The following C5 variants were observed in gnomAD, a reference collection of about 807,000 sequenced individuals.
The protein encoded by C5 is complement C5, also known as C3 and PZP-like alpha-2-macroglobulin domain-containing protein 4.
Under a neutral mutation model 218.8 loss-of-function variants are expected in C5, and 140 were observed. The ratio of observed to expected loss-of-function variants is 0.64; its 90% CI spans 0.56 to 0.74. C5 has a LOEUF of 0.74. Ranked by LOEUF, C5 falls within the 30% of genes least tolerant of loss-of-function variation. The probability of loss-of-function intolerance (pLI) is 0.00; values close to 1 mark genes in which losing one functional copy is unlikely to be tolerated. For synonymous variants in C5, 614 were observed against 682.3 expected (o/e 0.90, Z 1.56); for missense variants, 1,700 against 1,969.6 (o/e 0.86, Z 2.59).
At chr9:121,054,881 G>A (rs773138873), upstream of C5, among the ~76,000 whole-genome samples, 9 of 151,668 alleles carry the variant, frequency 5.9e-5, no homozygotes, top group Non-Finnish European at 1.0e-4. Flanking sequence ...CATCTCAAAG[G>A]TCTGCAAAGA....
chr9:120,993,473 A>G (rs1163041443), intron 22 of C5, among the ~76,000 whole-genome samples: 1 of 152,210 alleles, frequency 6.6e-6, no homozygotes, highest in African/African-American at 2.4e-5. Context: ...CCCAGGCTGG[A>G]GTGCAGTGGC....
At chr9:121,050,379 C>A, upstream of C5, 1 of 783,812 alleles carries the variant, frequency 1.3e-6, no homozygotes, top group Non-Finnish European at 2.2e-6. Context: ...AGTGGGAAAA[C>A]TAGAATTGGA....
Position 121,014,125 on chromosome 9 carries a change from G to T in C5, c.2060-55C>A, listed in dbSNP as rs571947421. 1.1e-5 allele frequency: 17 copies of T among 1,481,300 alleles called. No individual in the cohort carries two copies. The South Asian group carries it at 1.7e-4, about 15-fold the overall frequency. The allele number at this position is 1,481,300 out of a possible 1,614,324, so 91.8% of individuals were successfully genotyped here. A position where few individuals can be genotyped will look rare whatever the true frequency, so the allele number is the denominator to read the frequency against. On this transcript the variant is annotated intron_variant, in intron 16 of 40. Transcript: ENST00000223642. ...ATGACGCAGAGTGATAACATCTCAG[G>T]CTTAGAAGGAATCTCAAGGGATACC...
At chr9:121,064,881 A>G in the C5 span, among the ~76,000 whole-genome samples, 3 of 152,160 alleles carry the variant, frequency 2.0e-5, no homozygotes, top group Non-Finnish European at 4.4e-5. Context: ...CCTGGCTGAC[A>G]TGGTGAAACC....
In C5 at chr9:120,976,800, A is replaced by G. The variant is rs1001605827; in HGVS notation, c.3764T>C (p.Leu1255Ser). The G allele has an allele frequency of 7.4e-6, 12 of 1,613,998 alleles. No individual in the cohort carries two copies. Among genetic ancestry groups the G allele is most frequent in the Admixed American group, 1.7e-5 (1 of 60,008 alleles). The change falls in exon 29 of 41, where the codon TTA becomes TCA. Residue 1255 changes from leucine (L) to serine (S), a missense_variant. By Grantham distance (145) the Leu-to-Ser change is moderately radical (BLOSUM62 -2). Transcript: ENST00000223642. ...ARMVETTAYA[L>S]LTSLNLKDIN... ...ATCTTTCAAGTTCAGACTGGTGAGTAAAGCATAGGCAGTTGTTTCTACCAT... is the reference window on the plus strand; with the variant it reads ...ATCTTTCAAGTTCAGACTGGTGAGTGAAGCATAGGCAGTTGTTTCTACCAT...
chr9:120,997,199 A>C (rs1187147997), intron 21 of C5, among the ~76,000 whole-genome samples: 2 of 152,128 alleles, frequency 1.3e-5, no homozygotes, highest in Non-Finnish European at 2.9e-5. Context: ...GGGAAAAAAA[A>C]GCCTGTGTAC....
intron 30 of C5, 88 bp from the exon 31 acceptor site, chr9:120,972,080 T>C: frequency 9.9e-7 from 1 of 1,013,222 alleles, no homozygotes; most frequent in Non-Finnish European, 1.5e-6. Flanking sequence ...GGTTGACATG[T>C]ACCAGCCTCC....
At chr9:121,071,391 A>T in the C5 span, among the ~76,000 whole-genome samples, 41 of 151,210 alleles carry the variant, frequency 2.7e-4, 2 homozygotes, top group South Asian at 2.1e-4. Context: ...AATAAAAATT[A>T]AAAAAAAATC....
intron 18 of C5, among the ~76,000 whole-genome samples, 187 bp downstream of exon 18, chr9:121,008,221 A>T: frequency 6.6e-6 from 1 of 152,224 alleles, no homozygotes; most frequent in Admixed American, 6.5e-5. Flanking sequence ...GCCAATCACC[A>T]GTACGATGTA....
In C5 at chr9:120,982,825, A is replaced by T; in HGVS notation, c.3231-11T>A. Reference sequence around the variant, plus strand: ...GCAAAAGCTGTTAACCTTTAAGACAAAATCAAATAAATAAATATTTAGAAC... The same window carrying T: ...GCAAAAGCTGTTAACCTTTAAGACATAATCAAATAAATAAATATTTAGAAC... On this transcript the variant is annotated splice_polypyrimidine_tract_variant and intron_variant, in intron 25 of 40. Transcript: ENST00000223642. The T allele has an allele frequency of 6.9e-7, 1 of 1,450,260 alleles. No homozygotes were observed. The highest frequency in any genetic ancestry group is 2.3e-5 in the East Asian group (1 of 43,912). The allele number at this position is 1,450,260 out of a possible 1,614,324, so 89.8% of individuals were successfully genotyped here.
chr9:121,030,921 G>A (rs904700097), intron 6 of C5, among the ~76,000 whole-genome samples: 3 of 152,176 alleles, frequency 2.0e-5, no homozygotes, highest in African/African-American at 7.2e-5. Flanking sequence ...GAGTGCTGAT[G>A]AATTGATGAG....
At chr9:120,956,688 T>C (rs1316278043) in intron 39 of C5, among the ~76,000 whole-genome samples, 1 of 152,154 alleles carries the variant, frequency 6.6e-6, no homozygotes, top group Non-Finnish European at 1.5e-5. Flanking sequence ...CAAAGCAACA[T>C]GTTACTGATA....
In C5 at chr9:121,021,653, G is replaced by T. The variant is rs756811501; in HGVS notation, c.1158C>A (p.Val386=). The change falls in exon 11 of 41, where the codon GTC becomes GTA. Residue 386 remains valine, a synonymous_variant. Transcript: ENST00000223642. ...KDSLDQLVGG[V]PVTLNAQTID... ...TTGTTTGTGCATTCAGTGTTACTGG[G>T]ACTCCTCCTACCAACTGGTCAAGCG... The T allele has an allele frequency of 6.2e-7, 1 of 1,613,916 alleles. No homozygotes were observed. Among genetic ancestry groups the T allele is most frequent in the Non-Finnish European group, 8.5e-7 (1 of 1,179,920 alleles).
the C5 span, among the ~76,000 whole-genome samples, chr9:121,073,964 G>A: frequency 1.3e-4 from 20 of 150,678 alleles, no homozygotes; most frequent in African/African-American, 4.1e-4. Flanking sequence ...AGTGAAGAAA[G>A]GAAATGAAGA....
At position 121,020,090 on chromosome 9, in the gene C5, G is replaced by T. The variant is rs754501237; in HGVS notation, c.1392C>A (p.Tyr464Ter). ...AIAYSSLSQS[Y>*]LYIDWTDNHK... ...GGTTATCAGTCCAATCAATATAAAG[G>T]TAACTTTGGCTGAGAGATGAGTATG... The change falls in exon 12 of 41, where the codon TAC (tyrosine) becomes TAA (stop). Residue 464 changes from tyrosine (Y) to a stop codon, truncating the protein, a stop_gained. Coordinates refer to ENST00000223642, the MANE Select transcript of C5 (RefSeq NM_001735.3). LOFTEE classifies it high-confidence loss of function. The T allele has an allele frequency of 3.7e-6, 6 of 1,613,496 alleles. No individual in the cohort carries two copies. The South Asian group carries it at 6.6e-5, about 18-fold the overall frequency.
intron 17 of C5, among the ~76,000 whole-genome samples, chr9:121,012,952 G>A (rs1347916564): frequency 6.6e-6 from 1 of 152,170 alleles, no homozygotes; most frequent in Non-Finnish European, 1.5e-5. Context: ...GTCCATCATT[G>A]ATGAAAATGT....
Position 120,973,178 on chromosome 9 carries a change from TAA to T in C5, c.4018-1188_4018-1187del, listed in dbSNP as rs2046927676. Among the ~76,000 whole-genome samples the T allele has an allele frequency of 1.9e-4, 29 of 152,182 alleles. 1 individual carries two copies. On this transcript the variant is annotated intron_variant, in intron 30 of 40. Transcript: ENST00000223642. ...GAGTAGAAAATTCCACACTGGATAA[TAA>T]CAGCCCAGGTTTTACATGGAAGCAG...
rs1053394917 is a variant in C5 at position 120,982,944 on chromosome 9, AT to A, written c.3231-131del. ...ACATGCAATTCCAAAGTAAGTCATC[AT>A]TTTACAAAGGAAGGGAAGATTTTTG... On this transcript the variant is annotated intron_variant, in intron 25 of 40. Coordinates refer to ENST00000223642, the MANE Select transcript of C5 (RefSeq NM_001735.3). The A allele has an allele frequency of 4.9e-6, 3 of 613,938 alleles. No individual in the cohort carries two copies. The Admixed American group carries it at 9.6e-5, about 20-fold the overall frequency. The allele number at this position is 613,938 out of a possible 1,614,324, so 38.0% of individuals were successfully genotyped here.
rs56188613 is a variant in C5, at chr9:121,020,130, C to A, written c.1352G>T (p.Gly451Val). ...DLPEENQARE[G>V]YRAIAYSSLS... ...AGATGAGTATGCTATTGCTCGGTAA[C>A]CTTCCCTGGCCTGATTTTCTTCTGG... Residue 451 changes from glycine (G) to valine (V), a missense_variant, in exon 12 of 41, where the codon GGT becomes GTT. Physicochemically the swap from Gly to Val is moderately radical, Grantham distance 109 (BLOSUM62 -3). Coordinates refer to ENST00000223642, the MANE Select transcript of C5 (RefSeq NM_001735.3). 229 of 1,614,002 alleles carry A rather than the reference C, an allele frequency of 1.4e-4. 7 individuals carry two copies. The East Asian group carries it at 5.0e-3, about 35-fold the overall frequency.
Sources: gnomAD v4.1 joint callset for allele counts (sites outside exome capture counted in the v4.1 genomes callset) on GRCh38, gnomAD v4.1.1 for gene constraint, MANE v1.5 for transcripts, NCBI Gene and HGNC (gene_info 2026-07-23, HGNC 2026-07-21) for gene names.